The following SNAPC3 variants were observed in gnomAD, a reference collection of about 807,000 sequenced individuals.
SNAPC3 encodes snRNA-activating protein complex subunit 3.
SNAPC3 carries 56 observed loss-of-function variants against 47.7 expected under a neutral mutation model. The observed-to-expected ratio is 1.18, with a 90% CI of 0.95 to 1.47. SNAPC3 has a LOEUF of 1.47. SNAPC3 is among the 40% of genes most tolerant of loss of function. SNAPC3 has a pLI of 0.00. For synonymous variants in SNAPC3, 235 were observed against 189.9 expected (o/e 1.24, Z -1.95); for missense variants, 665 against 511.3 (o/e 1.30, Z -2.90).
rs1305643739 is a variant in SNAPC3 at position 15,461,155 on chromosome 9, A to G, written c.*1289A>G. Reference sequence around the variant, plus strand: ...TATTCTGAGGAAAAAAAAAAAAACCAAAACTTTTTAAACTTATTTTTTGAC... The same window carrying G: ...TATTCTGAGGAAAAAAAAAAAAACCGAAACTTTTTAAACTTATTTTTTGAC... On this transcript the variant is annotated 3_prime_UTR_variant, in exon 9 of 9. Transcript: ENST00000380821. 4.0e-5 allele frequency: 6 copies of G among 151,490 alleles called. No individual in the cohort carries two copies. The highest frequency in any genetic ancestry group is 1.2e-4 in the African/African-American group (5 of 41,314). 9.4% of individuals were successfully genotyped at this position (151,490 alleles called of 1,614,324 possible). A position where few individuals can be genotyped will look rare whatever the true frequency, so the allele number is the denominator to read the frequency against.
intron 3 of SNAPC3, among the ~76,000 whole-genome samples, chr9:15,434,145 T>A (rs575927237): frequency 6.6e-6 from 1 of 152,314 alleles, no homozygotes; most frequent in East Asian, 1.9e-4. Flanking sequence ...GTGGTAAAAT[T>A]TACATAACAT....
chr9:15,423,218 T>C, intron 1 of SNAPC3, 25 bp downstream of exon 1: 1 of 1,554,060 alleles, frequency 6.4e-7, no homozygotes, highest in East Asian at 2.4e-5. Context: ...AAGGGGCTCT[T>C]GCAGCTTGGG....
In SNAPC3 at chr9:15,449,056, C is replaced by T. The variant is rs554847749; in HGVS notation, c.732+1812C>T. Among the ~76,000 whole-genome samples, 6 of 152,146 alleles carry T rather than the reference C, an allele frequency of 3.9e-5. No individual in the cohort carries two copies. In the South Asian group the frequency reaches 8.3e-4, roughly 21 times the overall value. On this transcript the variant is annotated intron_variant, in intron 5 of 8. Coordinates refer to ENST00000380821, the MANE Select transcript of SNAPC3 (RefSeq NM_001039697.2). ...AACTCCTGACTTCAGGTGATCCACC[C>T]GCCTCAGCCTCCTAAAGTGCTGGGA...
Position 15,428,140 on chromosome 9 carries a change from A to G in SNAPC3, c.392+4154A>G, listed in dbSNP as rs944004625. Among the ~76,000 whole-genome samples, 9 of 151,440 alleles carry G rather than the reference A, an allele frequency of 5.9e-5. No individual in the cohort carries two copies. The South Asian group carries it at 1.5e-3, about 25-fold the overall frequency. ...AAAAAAAAAAAAAAAAAAACTGTCA[A>G]ACAGCTCTCATATATCTGAAGTTGG... On this transcript the variant is annotated intron_variant, in intron 2 of 8. Transcript: ENST00000380821.
intron 2 of SNAPC3, among the ~76,000 whole-genome samples, chr9:15,426,490 A>T (rs1336707337): frequency 6.6e-6 from 1 of 152,208 alleles, no homozygotes; most frequent in South Asian, 2.1e-4. Context: ...TATATTACCA[A>T]TTCCTAGAAC....
intron 4 of SNAPC3, among the ~76,000 whole-genome samples, chr9:15,445,376 A>G (rs1297127757): frequency 2.0e-5 from 3 of 152,210 alleles, no homozygotes; most frequent in African/African-American, 7.2e-5. Flanking sequence ...ATGTTCACTA[A>G]TTTAGAATAC....
intron 2 of SNAPC3, 39 bp downstream of exon 2, chr9:15,424,025 C>T: frequency 6.7e-6 from 8 of 1,193,962 alleles, no homozygotes; most frequent in Middle Eastern, 2.0e-4. Flanking sequence ...TTTATTTAAA[C>T]ATTTTTTCAA....
chr9:15,449,717 T>G (rs1016983816), intron 5 of SNAPC3, among the ~76,000 whole-genome samples: 4 of 151,266 alleles, frequency 2.6e-5, no homozygotes, highest in South Asian at 4.2e-4. Flanking sequence ...ATTACAGGCA[T>G]GCACCACCAT....
chr9:15,452,912 C>T (rs2034499168), intron 6 of SNAPC3, 129 bp from the exon 7 acceptor site: 1 of 700,784 alleles, frequency 1.4e-6, no homozygotes, highest in Non-Finnish European at 2.3e-6. Flanking sequence ...TGGTCTTCAT[C>T]TCAAGATGGC....
At chr9:15,452,537 C>T (rs952307700) in intron 6 of SNAPC3, among the ~76,000 whole-genome samples, 1 of 151,666 alleles carries the variant, frequency 6.6e-6, no homozygotes, top group Non-Finnish European at 1.5e-5. Context: ...AGGCTGGAGT[C>T]GAACTCTGGA....
At chr9:15,429,487 G>A (rs2031866346) in intron 2 of SNAPC3, among the ~76,000 whole-genome samples, 1 of 151,990 alleles carries the variant, frequency 6.6e-6, no homozygotes, top group Admixed American at 6.6e-5. Flanking sequence ...GATGGAAGGA[G>A]AAAAATGGAT....
At chr9:15,451,955 T>C (rs1326925148) in intron 6 of SNAPC3, among the ~76,000 whole-genome samples, 1 of 117,026 alleles carries the variant, frequency 8.5e-6, no homozygotes, top group African/African-American at 2.9e-5. Flanking sequence ...GTATATATAT[T>C]ATTGTTGCCC....
At chr9:15,464,133 CTAAG>C (rs958606418), downstream of SNAPC3, 19 of 182,674 alleles carry the variant, frequency 1.0e-4, no homozygotes, top group African/African-American at 3.3e-4. Flanking sequence ...TAGAATAAAT[CTAAG>C]TAAGTTAAAA....
chr9:15,459,433 G>A (rs369670071), intron 8 of SNAPC3, among the ~76,000 whole-genome samples: 110 of 152,258 alleles, frequency 7.2e-4, no homozygotes, highest in African/African-American at 2.4e-3. Flanking sequence ...CGTGGCAAAT[G>A]TGTGATGCTT....
intron 1 of SNAPC3, 111 bp downstream of exon 1, chr9:15,423,304 G>A: frequency 1.8e-6 from 2 of 1,131,620 alleles, no homozygotes; most frequent in South Asian, 1.6e-5. Flanking sequence ...TTAGACCTGG[G>A]CTAGGAGTAT....
chr9:15,440,732 G>T (rs1051547613), intron 3 of SNAPC3, among the ~76,000 whole-genome samples: 1 of 151,900 alleles, frequency 6.6e-6, no homozygotes, highest in Non-Finnish European at 1.5e-5. Flanking sequence ...GGCGGATCAC[G>T]AGGTCAAGAG....
intron 3 of SNAPC3, among the ~76,000 whole-genome samples, chr9:15,438,578 A>AT (rs2033037796): frequency 1.3e-5 from 2 of 152,054 alleles, no homozygotes; most frequent in South Asian, 4.1e-4. Flanking sequence ...TTATACAGCC[A>AT]TAACTTTTTA....
chr9:15,436,550 T>C (rs2032818688), intron 3 of SNAPC3, among the ~76,000 whole-genome samples: 1 of 152,218 alleles, frequency 6.6e-6, no homozygotes, highest in Non-Finnish European at 1.5e-5. Context: ...TTTGGCTTTG[T>C]AGTAAATTTT....
At chr9:15,449,151 GT>G (rs2034171128) in intron 5 of SNAPC3, among the ~76,000 whole-genome samples, 1 of 152,082 alleles carries the variant, frequency 6.6e-6, no homozygotes, top group South Asian at 2.1e-4. Flanking sequence ...CTTCTGCAAA[GT>G]TTTTTAACCT....
Sources: gnomAD v4.1 joint callset for allele counts (sites outside exome capture counted in the v4.1 genomes callset) on GRCh38, gnomAD v4.1.1 for gene constraint, MANE v1.5 for transcripts, NCBI Gene and HGNC (gene_info 2026-07-23, HGNC 2026-07-21) for gene names.